Variants in PLCB1 observed in about 807,000 individuals in gnomAD.
PLCB1 encodes the protein phospholipase C beta 1.
A neutral mutation model predicts 161.8 loss-of-function variants in PLCB1; 46 were observed. That is an observed-to-expected ratio of 0.28 (90% CI 0.22 to 0.36). The LOEUF (loss-of-function observed/expected upper bound fraction) is 0.36. Ranked by LOEUF, PLCB1 falls within the 10% of genes least tolerant of loss-of-function variation. The probability of loss-of-function intolerance (pLI) is 1.00; values close to 1 mark genes in which losing one functional copy is unlikely to be tolerated. For synonymous variants in PLCB1, 517 were observed against 503.7 expected (o/e 1.03, Z -0.35); for missense variants, 1,016 against 1,472.5 (o/e 0.69, Z 5.07).
chr20:8,720,858 TA>T (rs1390912999), intron 14 of PLCB1, among the ~76,000 whole-genome samples: 36 of 144,060 alleles, frequency 2.5e-4, no homozygotes, highest in Middle Eastern at 7.2e-3. Flanking sequence ...TTTTTTTTTT[TA>T]AAAAAAAAAG....
At chr20:8,250,425 A>G (rs1981077761) in intron 2 of PLCB1, among the ~76,000 whole-genome samples, 2 of 151,792 alleles carry the variant, frequency 1.3e-5, no homozygotes, top group Non-Finnish European at 2.9e-5. Context: ...TATTATTTGT[A>G]ATCTGTTGGG....
chr20:8,717,306 T>C (rs544932592), intron 13 of PLCB1, among the ~76,000 whole-genome samples: 1 of 152,344 alleles, frequency 6.6e-6, no homozygotes, highest in African/African-American at 2.4e-5. Context: ...GGCAGATGCC[T>C]GGCTTCCCTC....
At chr20:8,853,422 A>G (rs1808776182) in intron 31 of PLCB1, among the ~76,000 whole-genome samples, 1 of 147,494 alleles carries the variant, frequency 6.8e-6, no homozygotes, top group South Asian at 2.1e-4. Context: ...ATGTCAGTCA[A>G]CACAGAGATT....
chr20:8,795,030 C>T (rs886496971), intron 31 of PLCB1, among the ~76,000 whole-genome samples: 10 of 152,194 alleles, frequency 6.6e-5, no homozygotes, highest in Admixed American at 3.9e-4. Flanking sequence ...CAATAGCAGT[C>T]ATAGGAGAAT....
At chr20:8,862,209 A>G (rs988840507) in intron 31 of PLCB1, among the ~76,000 whole-genome samples, 11 of 152,294 alleles carry the variant, frequency 7.2e-5, no homozygotes, top group Middle Eastern at 3.4e-3. Context: ...TGCATGATTT[A>G]TTTATTTAAA....
chr20:8,730,922 C>G (rs1980206793), intron 18 of PLCB1, among the ~76,000 whole-genome samples: 1 of 151,364 alleles, frequency 6.6e-6, no homozygotes, highest in South Asian at 2.1e-4. Context: ...GATCATCTTT[C>G]TAAACTCTTA....
chr20:8,389,583 C>T (rs1237829), intron 3 of PLCB1, among the ~76,000 whole-genome samples: 47,223 of 152,026 alleles, frequency 0.31, 7,592 homozygotes, highest in South Asian at 0.47. Flanking sequence ...GTAATTTCAA[C>T]GTAAATCCAA....
chr20:8,830,617 C>T (rs116630358), intron 31 of PLCB1, among the ~76,000 whole-genome samples: 150 of 152,224 alleles, frequency 9.9e-4, no homozygotes, highest in African/African-American at 3.5e-3. Context: ...CCACCCATTA[C>T]TTCATTTTCC....
chr20:8,772,576 A>G (rs1313157445), intron 26 of PLCB1, among the ~76,000 whole-genome samples: 2 of 152,200 alleles, frequency 1.3e-5, no homozygotes, highest in East Asian at 1.9e-4. Context: ...TACCTCTGCT[A>G]GAGTGGTTGG....
chr20:8,310,461 A>T (rs1375325390), intron 2 of PLCB1, among the ~76,000 whole-genome samples: 1 of 152,184 alleles, frequency 6.6e-6, no homozygotes, highest in Non-Finnish European at 1.5e-5. Flanking sequence ...AATTTATAGG[A>T]CAAACCAAAT....
intron 9 of PLCB1, among the ~76,000 whole-genome samples, chr20:8,661,986 A>C (rs1200186266): frequency 9.2e-6 from 1 of 108,182 alleles, no homozygotes; most frequent in African/African-American, 3.6e-5. Flanking sequence ...AATTATATAT[A>C]ATTATATAAT....
At chr20:8,638,499 C>T (rs1013967663) in intron 4 of PLCB1, among the ~76,000 whole-genome samples, 8 of 152,006 alleles carry the variant, frequency 5.3e-5, no homozygotes, top group Non-Finnish European at 1.2e-4. Context: ...ACATTATACA[C>T]GCACACACGC....
intron 3 of PLCB1, among the ~76,000 whole-genome samples, chr20:8,543,618 T>C (rs1177027270): frequency 1.4e-5 from 1 of 71,892 alleles, no homozygotes; most frequent in Non-Finnish European, 3.3e-5. Context: ...TCCAAAGAGT[T>C]CCAAAAAAAA....
rs112178714 is a variant in PLCB1, at chr20:8,545,030, A to G, written c.247-83264A>G. On this transcript the variant is annotated intron_variant, in intron 3 of 31. Transcript: ENST00000338037. ...AAACACAGTCTTTATTGTCAAGGAG[A>G]TGACAGTCTAGAAGAATGGATAAGA... 2.2e-3 allele frequency among the ~76,000 whole-genome samples: 333 copies of G among 152,286 alleles called. 2 individuals carry two copies. The highest frequency in any genetic ancestry group is 7.6e-3 in the African/African-American group (315 of 41,554).
chr20:8,650,959 C>T (rs921660112), intron 7 of PLCB1, among the ~76,000 whole-genome samples: 1 of 152,170 alleles, frequency 6.6e-6, no homozygotes, highest in Non-Finnish European at 1.5e-5. Flanking sequence ...ATGCCTGACA[C>T]ACACAAGGTA....
At chr20:8,569,260 AG>A (rs1986431740) in intron 3 of PLCB1, among the ~76,000 whole-genome samples, 1 of 152,226 alleles carries the variant, frequency 6.6e-6, no homozygotes, top group Non-Finnish European at 1.5e-5. Flanking sequence ...CACGGTGAAA[AG>A]CTGTCTCTAA....
intron 3 of PLCB1, among the ~76,000 whole-genome samples, chr20:8,590,907 C>G (rs1019721385): frequency 6.6e-6 from 1 of 151,998 alleles, no homozygotes; most frequent in Non-Finnish European, 1.5e-5. Context: ...TTTGCTGCAC[C>G]TATCAACCCA....
chr20:8,368,362 T>G (rs1266403331), intron 2 of PLCB1, among the ~76,000 whole-genome samples: 1 of 151,322 alleles, frequency 6.6e-6, no homozygotes, highest in East Asian at 1.9e-4. Flanking sequence ...ATGCCGTATG[T>G]ACTAAAAATA....
intron 2 of PLCB1, among the ~76,000 whole-genome samples, chr20:8,157,958 C>A (rs980930150): frequency 6.6e-6 from 1 of 152,226 alleles, no homozygotes; most frequent in East Asian, 1.9e-4. Flanking sequence ...TTCATTACTC[C>A]TAATATAATT....
Sources: allele counts gnomAD v4.1 joint callset (sites outside exome capture counted in the v4.1 genomes callset), GRCh38; gene constraint gnomAD v4.1.1; transcripts MANE v1.5; gene names NCBI Gene and HGNC (gene_info 2026-07-23, HGNC 2026-07-21).